SLC15A5: variants seen among roughly 807,000 people sequenced by gnomAD.
SLC15A5 encodes Peptide/histidine transporter ENSP00000340402.
Under a neutral mutation model 56.1 loss-of-function variants are expected in SLC15A5, and 58 were observed. That is an observed-to-expected ratio of 1.03 (90% CI 0.84 to 1.29). The LOEUF is 1.29. Ranked by LOEUF, SLC15A5 falls within the 50% of genes most tolerant of loss-of-function variation. SLC15A5 has a pLI of 0.00. For missense variants in SLC15A5, 681 were observed against 672.1 expected, an observed-to-expected ratio of 1.01 and a Z score of -0.15; for synonymous variants, 264 against 250.5, an observed-to-expected ratio of 1.05 and a Z score of -0.51.
chr12:16,231,852 T>C (rs1591649805), intron 5 of SLC15A5, among the ~76,000 whole-genome samples: 2 of 152,342 alleles, frequency 1.3e-5, no homozygotes, highest in Admixed American at 1.3e-4. Context: ...GAAGTATGCC[T>C]CAAAGCAGGA....
intron 6 of SLC15A5, among the ~76,000 whole-genome samples, chr12:16,224,177 A>G (rs1864215732): frequency 6.6e-6 from 1 of 152,216 alleles, no homozygotes; most frequent in South Asian, 2.1e-4. Flanking sequence ...AACCAGATTA[A>G]AAATCTTTTG....
At chr12:16,224,722 ATTTTT>A (rs368655261) in intron 5 of SLC15A5, 120 bp from the exon 6 acceptor site, 9 of 1,057,702 alleles carry the variant, frequency 8.5e-6, no homozygotes, top group Non-Finnish European at 1.2e-5. Flanking sequence ...GTTTGTTTTT[ATTTTT>A]TTTTAATTTT....
chr12:16,189,572 A>T lies in SLC15A5; in HGVS notation c.*96T>A. On this transcript the variant is annotated 3_prime_UTR_variant, in exon 9 of 9. Coordinates refer to ENST00000344941, the MANE Select transcript of SLC15A5 (RefSeq NM_001170798.1). ...ATGATATTTGTAAAATCACCTCTGT[A>T]TATATTGGCTTTTACACTAAAACAC... is the stretch of plus-strand genomic sequence containing the variant. 9.3e-7 allele frequency: 1 copy of T among 1,071,872 alleles called. No homozygotes were observed. Among genetic ancestry groups the T allele is most frequent in the Middle Eastern group, 2.2e-4 (1 of 4,608 alleles). The allele number at this position is 1,071,872 out of a possible 1,614,324, so 66.4% of individuals were successfully genotyped here.
chr12:16,252,502 A>G (rs1565671078), intron 3 of SLC15A5, among the ~76,000 whole-genome samples: 1 of 152,070 alleles, frequency 6.6e-6, no homozygotes, highest in African/African-American at 2.4e-5. Flanking sequence ...TTGCATTTCT[A>G]TAATTAACGA....
intron 1 of SLC15A5, 124 bp from the exon 2 acceptor site, chr12:16,272,907 T>A (rs1027377309): frequency 4.8e-6 from 4 of 838,492 alleles, no homozygotes; most frequent in African/African-American, 3.4e-5. Context: ...CAAACATTTA[T>A]GGTAGTCATT....
rs368655261 is a variant in SLC15A5 at position 16,224,722 on chromosome 12, AT to A, written c.1163-121del. 1,411 of 1,056,668 alleles carry A rather than the reference AT, an allele frequency of 1.3e-3. 20 individuals are homozygous for A. In the East Asian group the frequency reaches 0.027, roughly 20 times the overall value. 65.5% of individuals were successfully genotyped at this position (1,056,668 alleles called of 1,614,324 possible). A position where few individuals can be genotyped will look rare whatever the true frequency, so the allele number is the denominator to read the frequency against. On this transcript the variant is annotated intron_variant, in intron 5 of 8. Coordinates refer to ENST00000344941, the MANE Select transcript of SLC15A5 (RefSeq NM_001170798.1). Reference sequence around the variant, plus strand: ...GTTTCTTTTTTGTTTGTTTGTTTTTATTTTTTTTTAATTTTTTTATTATACT... The same window carrying A: ...GTTTCTTTTTTGTTTGTTTGTTTTTATTTTTTTTAATTTTTTTATTATACT...
intron 7 of SLC15A5, among the ~76,000 whole-genome samples, chr12:16,208,103 G>A (rs1664197902): frequency 9.3e-6 from 1 of 107,010 alleles, no homozygotes; most frequent in Admixed American, 1.0e-4. Flanking sequence ...AAAACATGGG[G>A]GGTGCCACAG....
At chr12:16,211,174 G>A (rs910445009) in intron 7 of SLC15A5, among the ~76,000 whole-genome samples, 1 of 152,170 alleles carries the variant, frequency 6.6e-6, no homozygotes, top group African/African-American at 2.4e-5. Flanking sequence ...ATTTGAGGAA[G>A]CGTATCTCTT....
At position 16,237,825 on chromosome 12, in the gene SLC15A5, T is replaced by C. The variant is rs547875096; in HGVS notation, c.1162+1856A>G. Among the ~76,000 whole-genome samples, 2 of 152,298 alleles carry C rather than the reference T, an allele frequency of 1.3e-5. No individual in the cohort carries two copies. Among genetic ancestry groups the C allele is most frequent in the African/African-American group, 2.4e-5 (1 of 41,570 alleles). ...CTGAGATTTTTGGCATTTCACAATA[T>C]GATTTTACTCCTATTTTGTCCTGCA... On this transcript the variant is annotated intron_variant, in intron 5 of 8. Coordinates refer to ENST00000344941, the MANE Select transcript of SLC15A5 (RefSeq NM_001170798.1). The surrounding 1 kb of genome is among the most constrained non-coding windows in gnomAD (Gnocchi z 4.1).
At chr12:16,204,923 A>G (rs904250758) in intron 7 of SLC15A5, among the ~76,000 whole-genome samples, 1 of 152,198 alleles carries the variant, frequency 6.6e-6, no homozygotes, top group Non-Finnish European at 1.5e-5. Context: ...GAAATTAATC[A>G]TAATGAAAAA....
At chr12:16,275,601 C>G (rs1473914878) in intron 1 of SLC15A5, among the ~76,000 whole-genome samples, 1 of 151,906 alleles carries the variant, frequency 6.6e-6, no homozygotes, top group Non-Finnish European at 1.5e-5. Flanking sequence ...GACAGAAGAC[C>G]TTTCTTATAT....
intron 5 of SLC15A5, among the ~76,000 whole-genome samples, chr12:16,239,119 G>A (rs1053398744): frequency 1.3e-5 from 2 of 152,144 alleles, no homozygotes; most frequent in Admixed American, 1.3e-4. Context: ...TGATGGTGTC[G>A]AAGGAAGACA....
In SLC15A5 at chr12:16,223,721, C is replaced by CT. The variant is rs5796657; in HGVS notation, c.1351+692dup. 4.7e-3 allele frequency among the ~76,000 whole-genome samples: 686 copies of CT among 146,646 alleles called. 7 individuals are homozygous for CT. Among genetic ancestry groups the CT allele is most frequent in the African/African-American group, 0.015 (605 of 39,818 alleles). On this transcript the variant is annotated intron_variant, in intron 6 of 8. Coordinates refer to ENST00000344941, the MANE Select transcript of SLC15A5 (RefSeq NM_001170798.1). ...TCATTTTTGGAGGAGTATAAATGAG[C>CT]TTTTTTTTTTTTTGAGATGGAGTCT...
intron 8 of SLC15A5, among the ~76,000 whole-genome samples, chr12:16,193,079 G>A (rs187603537): frequency 7.9e-5 from 12 of 152,144 alleles, no homozygotes; most frequent in Admixed American, 2.0e-4. Flanking sequence ...GAATTGCTGG[G>A]TGAGCACCAC....
At chr12:16,246,197 T>C (rs1443907707) in intron 3 of SLC15A5, among the ~76,000 whole-genome samples, 3 of 152,188 alleles carry the variant, frequency 2.0e-5, no homozygotes, top group Non-Finnish European at 4.4e-5. Context: ...ATGGTCACTT[T>C]TGTCTCTTCT....
At chr12:16,190,907 A>T (rs914759955) in intron 8 of SLC15A5, among the ~76,000 whole-genome samples, 1 of 152,156 alleles carries the variant, frequency 6.6e-6, no homozygotes, top group Non-Finnish European at 1.5e-5. Context: ...GTGTTTCACA[A>T]CACTGGAAGG....
chr12:16,247,417 T>C (rs1361742362), intron 3 of SLC15A5, among the ~76,000 whole-genome samples: 1 of 152,132 alleles, frequency 6.6e-6, no homozygotes, highest in Non-Finnish European at 1.5e-5. Flanking sequence ...AGAAAACTGT[T>C]TTGGGCCCTG....
intron 7 of SLC15A5, among the ~76,000 whole-genome samples, chr12:16,197,188 T>A (rs1482711596): frequency 6.6e-6 from 1 of 152,166 alleles, no homozygotes; most frequent in Non-Finnish European, 1.5e-5. Flanking sequence ...ATTTTTAGCA[T>A]GTGGCTTTCT....
Position 16,189,132 on chromosome 12 carries a change from A to C in SLC15A5, c.*536T>G, listed in dbSNP as rs1185768470. 6.6e-6 allele frequency: 1 copy of C among 152,160 alleles called. No individual in the cohort carries two copies. Among genetic ancestry groups the C allele is most frequent in the African/African-American group, 2.4e-5 (1 of 41,446 alleles). The allele number at this position is 152,160 out of a possible 1,614,324, so 9.4% of individuals were successfully genotyped here. On this transcript the variant is annotated 3_prime_UTR_variant, in exon 9 of 9. Transcript: ENST00000344941. The stretch of plus-strand genomic sequence containing the variant: ...TAATACTGCTTTTAAATTCAGAGAA[A>C]ATGTCCTTAATGAAGTCATATTTTG...
Sources: gnomAD v4.1 joint callset for allele counts (sites outside exome capture counted in the v4.1 genomes callset) on GRCh38, gnomAD v4.1.1 for gene constraint, Gnocchi (gnomAD v3.1) non-coding constraint, MANE v1.5 for transcripts, NCBI Gene and HGNC (gene_info 2026-07-23, HGNC 2026-07-21) for gene names.